The following PRKN variants were observed in gnomAD, a reference collection of about 807,000 sequenced individuals.
The protein encoded by PRKN is E3 ubiquitin-protein ligase parkin.
In PRKN, 56 loss-of-function variants were observed where a neutral mutation model predicts 59.5. The observed-to-expected ratio is 0.94, with a 90% CI of 0.76 to 1.18. PRKN has a LOEUF of 1.18. Among genes scored for constraint, PRKN ranks in the 50% most tolerant of loss-of-function variants. The probability of loss-of-function intolerance (pLI) is 0.00; values close to 1 mark genes in which losing one functional copy is unlikely to be tolerated. For synonymous variants in PRKN, 250 were observed against 222.1 expected, an observed-to-expected ratio of 1.13 and a Z score of -1.12; for missense variants, 657 against 596.4, an observed-to-expected ratio of 1.10 and a Z score of -1.06.
intron 3 of PRKN, among the ~76,000 whole-genome samples, chr6:162,212,237 A>G (rs1466195167): frequency 4.6e-5 from 7 of 152,034 alleles, no homozygotes; most frequent in Admixed American, 4.6e-4. Context: ...GAGCTATCCC[A>G]TCTTCTGCAG....
chr6:162,331,966 A>T (rs1583393641), intron 2 of PRKN, among the ~76,000 whole-genome samples: 1 of 152,204 alleles, frequency 6.6e-6, no homozygotes, highest in South Asian at 2.1e-4. Flanking sequence ...ATATTTGTTC[A>T]TTCAATAAGT....
At chr6:162,420,429 G>C (rs1788901626) in intron 2 of PRKN, among the ~76,000 whole-genome samples, 1 of 152,142 alleles carries the variant, frequency 6.6e-6, no homozygotes, top group African/African-American at 2.4e-5. Context: ...CTAGATCCGA[G>C]GGTTTCACAT....
At chr6:161,943,829 G>C (rs1779659196) in intron 6 of PRKN, among the ~76,000 whole-genome samples, 1 of 150,688 alleles carries the variant, frequency 6.6e-6, no homozygotes, top group Non-Finnish European at 1.5e-5. Context: ...GAATCAGCCT[G>C]AAGGATCAGC....
At position 161,560,898 on chromosome 6, in the gene PRKN, G is replaced by A. The variant is rs1780432048; in HGVS notation, c.933+8457C>T. On this transcript the variant is annotated intron_variant, in intron 8 of 11. Coordinates refer to ENST00000366898, the MANE Select transcript of PRKN (RefSeq NM_004562.3). The surrounding 1 kb of genome is among the most constrained non-coding windows in gnomAD (Gnocchi z 4.9). ...CATCTACCACCAGAAGCATTGCCTG[G>A]AAAACACAGATTTCCGTGGTCTTCT... Among the ~76,000 whole-genome samples, 5 of 152,178 alleles carry A rather than the reference G, an allele frequency of 3.3e-5. No individual in the cohort carries two copies. In the South Asian group the frequency reaches 1.0e-3, roughly 31 times the overall value.
At chr6:161,694,550 A>C (rs1241847803) in intron 7 of PRKN, among the ~76,000 whole-genome samples, 1 of 152,098 alleles carries the variant, frequency 6.6e-6, no homozygotes, top group Non-Finnish European at 1.5e-5. Context: ...AAAAGGATGG[A>C]ATTTCCCACC....
chr6:162,584,705 A>C (rs73020362), intron 1 of PRKN, among the ~76,000 whole-genome samples: 15,297 of 151,096 alleles, frequency 0.1, 922 homozygotes, highest in Middle Eastern at 0.19. Flanking sequence ...AAAGTTCTTC[A>C]AATTAACTTT....
chr6:161,534,951 G>T (rs1779357519), intron 9 of PRKN, among the ~76,000 whole-genome samples: 1 of 152,208 alleles, frequency 6.6e-6, no homozygotes, highest in Non-Finnish European at 1.5e-5. Context: ...TGTTAGAAAT[G>T]TAAATCAGAA....
chr6:161,689,812 G>T (rs1036278481), intron 7 of PRKN, among the ~76,000 whole-genome samples: 3 of 152,102 alleles, frequency 2.0e-5, no homozygotes, highest in Non-Finnish European at 2.9e-5. Flanking sequence ...CCAGGTTCAA[G>T]TGATTCTCCT....
chr6:161,977,541 G>GTTTTTTTTTTTTTTTTTTTTTT (rs1562433349), intron 5 of PRKN, among the ~76,000 whole-genome samples: 2 of 98,714 alleles, frequency 2.0e-5, no homozygotes, highest in Non-Finnish European at 1.9e-5. Flanking sequence ...CTGTTTTTTT[G>GTTTTTTTTTTTTTTTTTTTTTT]GTTTTTTTTT....
chr6:162,424,290 C>T (rs1375540887), intron 2 of PRKN, among the ~76,000 whole-genome samples: 4 of 152,118 alleles, frequency 2.6e-5, no homozygotes, highest in Admixed American at 6.6e-5. Context: ...ATCTCTAAAG[C>T]AGTGAAAAGA....
rs1448504850 is a variant in PRKN at position 161,361,442 on chromosome 6, G to GTGAA, written c.1168-1241_1168-1238dup. ...CAGGCGATCAGTACATTTCAGGCAA[G>GTGAA]TGAATGAATGAATGACGCAGCCCAG... On this transcript the variant is annotated intron_variant, in intron 10 of 11. Transcript: ENST00000366898. This position sits in a 1 kb window ranked among gnomAD's most constrained non-coding sequence, Gnocchi z 5.2. 1.3e-5 allele frequency among the ~76,000 whole-genome samples: 2 copies of GTGAA among 152,218 alleles called. No homozygotes were observed. The highest frequency in any genetic ancestry group is 2.9e-5 in the Non-Finnish European group (2 of 68,040).
chr6:161,816,327 G>T (rs1197372117), intron 6 of PRKN, among the ~76,000 whole-genome samples: 2 of 152,098 alleles, frequency 1.3e-5, no homozygotes, highest in East Asian at 1.9e-4. Context: ...ACAGAGAACA[G>T]ATCAGTGGTC....
intron 11 of PRKN, among the ~76,000 whole-genome samples, chr6:161,350,446 G>A (rs1054235461): frequency 6.6e-6 from 1 of 150,792 alleles, no homozygotes; most frequent in South Asian, 2.1e-4. Context: ...CACTTTTGTC[G>A]GGAACAAATT....
At chr6:162,403,439 G>A (rs1414428874) in intron 2 of PRKN, among the ~76,000 whole-genome samples, 1 of 152,060 alleles carries the variant, frequency 6.6e-6, no homozygotes, top group Non-Finnish European at 1.5e-5. Flanking sequence ...CCTATCCCCA[G>A]CGAGTTTTAT....
intron 4 of PRKN, among the ~76,000 whole-genome samples, chr6:162,091,666 G>C (rs1020920830): frequency 1.3e-5 from 2 of 152,182 alleles, no homozygotes; most frequent in Admixed American, 1.3e-4. Flanking sequence ...ATTGGAAACA[G>C]AGAATCCAGG....
intron 1 of PRKN, among the ~76,000 whole-genome samples, chr6:162,507,314 T>G (rs2128189471): frequency 6.6e-6 from 1 of 152,172 alleles, no homozygotes; most frequent in South Asian, 2.1e-4. Flanking sequence ...CTCCTATGCT[T>G]AAAACCATCC....
At chr6:161,805,972 C>T (rs1414824380) in intron 6 of PRKN, among the ~76,000 whole-genome samples, 1 of 152,220 alleles carries the variant, frequency 6.6e-6, no homozygotes, top group Non-Finnish European at 1.5e-5. Context: ...GAAAGTCCTG[C>T]TCCTCATTAG....
intron 1 of PRKN, among the ~76,000 whole-genome samples, chr6:162,667,193 AT>A (rs927996729): frequency 6.6e-6 from 1 of 152,068 alleles, no homozygotes; most frequent in Admixed American, 6.5e-5. Flanking sequence ...CACAGATTAT[AT>A]TTCTGTGCGT....
chr6:161,830,005 G>A (rs1215622484), intron 6 of PRKN, among the ~76,000 whole-genome samples: 2 of 152,064 alleles, frequency 1.3e-5, no homozygotes, highest in East Asian at 1.9e-4. Context: ...GCCCTGCTTC[G>A]GCTACACTGG....
Sources: gnomAD v4.1 joint callset for allele counts (sites outside exome capture counted in the v4.1 genomes callset) on GRCh38, gnomAD v4.1.1 for gene constraint, Gnocchi (gnomAD v3.1) non-coding constraint, MANE v1.5 for transcripts, NCBI Gene and HGNC (gene_info 2026-07-23, HGNC 2026-07-21) for gene names.